The following BANP variants were observed in gnomAD, a reference collection of about 807,000 sequenced individuals.
BANP encodes the protein BTG3 associated nuclear protein, also known as protein BANP.
A neutral mutation model predicts 68.1 loss-of-function variants in BANP; 11 were observed. The ratio of observed to expected loss-of-function variants is 0.16; its 90% CI spans 0.10 to 0.27. The LOEUF (loss-of-function observed/expected upper bound fraction) is 0.27, where lower values mean the gene tolerates loss of function less well. BANP is among the 10% of genes least tolerant of loss of function. BANP has a pLI of 1.00. For missense variants in BANP, 504 were observed against 722.7 expected (o/e 0.70, Z 3.47); for synonymous variants, 329 against 303.2 (o/e 1.09, Z -0.88).
intron 11 of BANP, among the ~76,000 whole-genome samples, chr16:88,048,643 A>C (rs1219883188): frequency 1.3e-5 from 2 of 151,962 alleles, no homozygotes; most frequent in East Asian, 3.9e-4. Flanking sequence ...TAAAGAAAGG[A>C]GGTGGATTCT....
At chr16:87,953,885 C>T (rs953656335) in intron 1 of BANP, among the ~76,000 whole-genome samples, 1 of 152,194 alleles carries the variant, frequency 6.6e-6, no homozygotes, top group Non-Finnish European at 1.5e-5. Flanking sequence ...TGGCTCTGTT[C>T]GTTTCCACAG....
chr16:88,031,340 A>G (rs1271757831), intron 8 of BANP, among the ~76,000 whole-genome samples: 1 of 152,218 alleles, frequency 6.6e-6, no homozygotes, highest in Non-Finnish European at 1.5e-5. Context: ...GCATATTGCA[A>G]GTATCAACAT....
intron 12 of BANP, among the ~76,000 whole-genome samples, chr16:88,068,744 T>G (rs2152906689): frequency 6.6e-6 from 1 of 152,254 alleles, no homozygotes; most frequent in South Asian, 2.1e-4. Context: ...CCCAGCCCCC[T>G]TTCCAAGTGC....
At chr16:88,005,632 C>T (rs993704702) in intron 5 of BANP, among the ~76,000 whole-genome samples, 3 of 152,200 alleles carry the variant, frequency 2.0e-5, no homozygotes, top group African/African-American at 4.8e-5. Flanking sequence ...TGCCCGTGGG[C>T]GTACGTGGGA....
At chr16:88,069,633 C>T (rs1469200565) in intron 12 of BANP, among the ~76,000 whole-genome samples, 2 of 152,206 alleles carry the variant, frequency 1.3e-5, no homozygotes, top group Admixed American at 6.5e-5. Context: ...CTGCTCCTAA[C>T]CCCACCCAGG....
chr16:87,988,762 G>C (rs1402531813), intron 4 of BANP, among the ~76,000 whole-genome samples: 1 of 152,144 alleles, frequency 6.6e-6, no homozygotes, highest in South Asian at 2.1e-4. Flanking sequence ...CGAGGCCCCC[G>C]GAGAGAGTGC....
At chr16:88,027,068 C>T (rs2077145026) in intron 7 of BANP, among the ~76,000 whole-genome samples, 1 of 152,180 alleles carries the variant, frequency 6.6e-6, no homozygotes, top group Non-Finnish European at 1.5e-5. Flanking sequence ...AGTTCTGATC[C>T]AATTGTTGAG....
intron 7 of BANP, among the ~76,000 whole-genome samples, chr16:88,020,307 C>G (rs1205012439): frequency 6.6e-6 from 1 of 152,232 alleles, no homozygotes; most frequent in Non-Finnish European, 1.5e-5. Flanking sequence ...CCTTCAGAGG[C>G]GGGCAGCAGG....
At chr16:87,982,517 C>G (rs377752096) in intron 3 of BANP, 2 of 152,220 alleles carry the variant, frequency 1.3e-5, no homozygotes, top group Admixed American at 1.3e-4. Context: ...CTTTTCACGA[C>G]GATGCATGTT....
rs368963219 is a variant in BANP at position 88,006,118 on chromosome 16, A to G, written c.508A>G (p.Ile170Val). The part of the protein sequence containing the change: ...NAVPGRRQNT[I>V]VVKVPGQEDS... ...TGTGCCTGGGCGTCGGCAGAACACC[A>G]TTGTGGTGAAGGTGCCGGGCCAAGA... Residue 170 changes from isoleucine to valine, a missense_variant, in exon 6 of 14, where the codon ATT becomes GTT. Ile to Val is a conservative substitution (Grantham distance 29, BLOSUM62 3). This residue lies in a region of BANP where 238 missense variants were observed against 278.9 expected (regional missense o/e 0.85). Transcript: ENST00000682872. 3 of 1,612,566 alleles carry G rather than the reference A, an allele frequency of 1.9e-6. No individual in the cohort carries two copies. In the African/African-American group the frequency reaches 4.0e-5, roughly 22 times the overall value.
At chr16:88,024,277 C>T (rs1377871699) in intron 7 of BANP, among the ~76,000 whole-genome samples, 1 of 152,170 alleles carries the variant, frequency 6.6e-6, no homozygotes, top group Admixed American at 6.5e-5. Flanking sequence ...CACTTTAAGG[C>T]CGGTGCTCAC....
At chr16:87,999,257 T>A (rs1239700370) in intron 4 of BANP, among the ~76,000 whole-genome samples, 3 of 131,880 alleles carry the variant, frequency 2.3e-5, no homozygotes, top group Non-Finnish European at 4.8e-5. Flanking sequence ...TGTACTTACC[T>A]GTCCTTCCAG....
At chr16:88,046,484 G>C (rs144377130) in intron 11 of BANP, among the ~76,000 whole-genome samples, 3 of 152,134 alleles carry the variant, frequency 2.0e-5, no homozygotes, top group African/African-American at 4.8e-5. Context: ...CTGTGAGCTC[G>C]TGCAGTCTTG....
rs1205685241 is a variant in BANP, at chr16:88,003,189, A to G, written c.363-1106A>G. Among the ~76,000 whole-genome samples the G allele has an allele frequency of 6.6e-6, 1 of 152,248 alleles. No homozygotes were observed. Among genetic ancestry groups the G allele is most frequent in the Non-Finnish European group, 1.5e-5 (1 of 68,038 alleles). ...GCTGTGTTAACGTTAGGTGTCACCAATAACAAGTAGAGGAATTTAAAAAAT... is the reference window on the plus strand; with the variant it reads ...GCTGTGTTAACGTTAGGTGTCACCAGTAACAAGTAGAGGAATTTAAAAAAT... On this transcript the variant is annotated intron_variant, in intron 4 of 13. Transcript: ENST00000682872. The surrounding 1 kb of genome is among the most constrained non-coding windows in gnomAD (Gnocchi z 6.1).
intron 7 of BANP, among the ~76,000 whole-genome samples, chr16:88,026,515 C>T (rs2077020511): frequency 6.6e-6 from 1 of 152,208 alleles, no homozygotes; most frequent in African/African-American, 2.4e-5. Context: ...ATGAGGGGGA[C>T]AGAGTAACAG....
chr16:88,076,283 G>A (rs544267946), intron 13 of BANP, among the ~76,000 whole-genome samples: 1 of 152,328 alleles, frequency 6.6e-6, no homozygotes, highest in South Asian at 2.1e-4. Context: ...CAGTGAGGCA[G>A]CGGGTTGGGG....
chr16:88,058,113 T>C (rs2085626594), intron 11 of BANP, among the ~76,000 whole-genome samples: 1 of 149,494 alleles, frequency 6.7e-6, no homozygotes, highest in East Asian at 1.9e-4. Context: ...CGAGGAATCT[T>C]TCATCTAGAG....
chr16:88,071,190 T>C lies in BANP; in HGVS notation c.1378-879T>C, dbSNP rs540692344. The C allele has an allele frequency of 2.1e-4, 70 of 338,248 alleles. No homozygotes were observed. In the East Asian group the frequency reaches 5.5e-3, roughly 27 times the overall value. 21.0% of individuals were successfully genotyped at this position (338,248 alleles called of 1,614,324 possible). ...ACTCTCAGTGCACAGAGTGCGGTTC[T>C]GTGTGGAGGTGTGGGATGCATCTCC... On this transcript the variant is annotated intron_variant, in intron 12 of 13. Transcript: ENST00000682872. The surrounding 1 kb of genome is among the most constrained non-coding windows in gnomAD (Gnocchi z 6.5).
intron 2 of BANP, 96 bp downstream of exon 2, chr16:87,975,281 A>C: frequency 8.2e-7 from 1 of 1,223,038 alleles, no homozygotes; most frequent in South Asian, 1.3e-5. Context: ...AAGCAGAAGA[A>C]AAAGTAATGC....
Sources: allele counts gnomAD v4.1 joint callset (sites outside exome capture counted in the v4.1 genomes callset), GRCh38; gene constraint gnomAD v4.1.1; regional missense constraint gnomAD v4.1.1; non-coding constraint Gnocchi (gnomAD v3.1); transcripts MANE v1.5; gene names NCBI Gene and HGNC (gene_info 2026-07-23, HGNC 2026-07-21).